CCL26: variants seen among roughly 807,000 people sequenced by gnomAD.
The protein encoded by CCL26 is C-C motif chemokine 26.
A neutral mutation model predicts 10.7 loss-of-function variants in CCL26; 10 were observed. The ratio of observed to expected loss-of-function variants is 0.93; its 90% CI spans 0.57 to 1.58. CCL26 has a LOEUF of 1.58. CCL26 is among the 40% of genes most tolerant of loss of function. CCL26 has a pLI of 0.00. For synonymous variants in CCL26, 43 were observed against 41.4 expected (o/e 1.04, Z -0.15); for missense variants, 116 against 111.0 (o/e 1.05, Z -0.20).
At chr7:75,790,965 C>T (rs1803317155), upstream of CCL26, among the ~76,000 whole-genome samples, 1 of 150,342 alleles carries the variant, frequency 6.7e-6, no homozygotes, top group Non-Finnish European at 1.5e-5. Flanking sequence ...TGAGTCCCTT[C>T]ACCCAAGAGG....
Position 75,787,265 on chromosome 7 carries a change from A to G in CCL26, c.-79+2452T>C, listed in dbSNP as rs562575874. Among the ~76,000 whole-genome samples, 34 of 152,212 alleles carry G rather than the reference A, an allele frequency of 2.2e-4. No homozygotes were observed. In the South Asian group the frequency reaches 4.4e-3, roughly 20 times the overall value. The stretch of plus-strand genomic sequence containing the variant: ...AGTCAAATCACCCAAGCAGTTTCTC[A>G]GGCTCTTGGTATTCAGTGGAAACTT... On this transcript the variant is annotated intron_variant, in intron 1 of 3. Coordinates refer to the CCL26 transcript ENST00000394905.
chr7:75,786,636 G>A (rs186080619), intron 1 of CCL26, among the ~76,000 whole-genome samples: 2 of 152,286 alleles, frequency 1.3e-5, no homozygotes, highest in African/African-American at 4.8e-5. Flanking sequence ...AGATCCCGTA[G>A]CTCAGGGCAA....
At chr7:75,772,776 G>A (rs1802858319), upstream of CCL26, among the ~76,000 whole-genome samples, 1 of 152,218 alleles carries the variant, frequency 6.6e-6, no homozygotes, top group South Asian at 2.1e-4. Context: ...AAGAGCAGGG[G>A]CAGGCAGGCC....
chr7:75,785,262 G>A (rs1166935886), intron 1 of CCL26, among the ~76,000 whole-genome samples: 5 of 152,056 alleles, frequency 3.3e-5, no homozygotes, highest in South Asian at 2.1e-4. Flanking sequence ...ATCAGTCCCC[G>A]CAGCTTACCA....
At chr7:75,781,905 T>G (rs1317624508) in intron 1 of CCL26, among the ~76,000 whole-genome samples, 2 of 152,146 alleles carry the variant, frequency 1.3e-5, no homozygotes, top group Non-Finnish European at 2.9e-5. Context: ...CAAAGCCTGT[T>G]TGGTGGTCTC....
At chr7:75,785,852 T>C (rs10277452) in intron 1 of CCL26, among the ~76,000 whole-genome samples, 115,770 of 152,072 alleles carry the variant, frequency 0.76, 44,292 homozygotes, top group African/African-American at 0.83. Flanking sequence ...GCTGTGCAGT[T>C]GGAATTCTTA....
chr7:75,780,271 A>C (rs1585013240), intron 1 of CCL26, among the ~76,000 whole-genome samples: 4 of 144,764 alleles, frequency 2.8e-5, no homozygotes, highest in East Asian at 2.1e-4. Flanking sequence ...TCTCTACCCT[A>C]TCTTTTCTCT....
Position 75,769,610 on chromosome 7 carries a change from T to G in CCL26, c.*83A>C, listed in dbSNP as rs1802778071. On this transcript the variant is annotated 3_prime_UTR_variant, in exon 3 of 3. Coordinates refer to ENST00000005180, the MANE Select transcript of CCL26 (RefSeq NM_001371938.1). ...CCTCCCCAGCGGGTCCATGTAGCCT[T>G]CAGAAAAGATTCCGCAGGCTCCCCA... 1.2e-6 allele frequency: 1 copy of G among 863,716 alleles called. No individual in the cohort carries two copies. The highest frequency in any genetic ancestry group is 1.7e-5 in the African/African-American group (1 of 60,110). 53.5% of individuals were successfully genotyped at this position (863,716 alleles called of 1,614,324 possible).
At chr7:75,789,035 C>T (rs1303970578) in intron 1 of CCL26, among the ~76,000 whole-genome samples, 1 of 151,794 alleles carries the variant, frequency 6.6e-6, no homozygotes, top group Non-Finnish European at 1.5e-5. Context: ...GATTCTCCCT[C>T]CTTAGCCACC....
chr7:75,771,561 C>T (rs77804725), intron 2 of CCL26, among the ~76,000 whole-genome samples: 4,827 of 152,078 alleles, frequency 0.032, 165 homozygotes, highest in Non-Finnish European at 0.042. Flanking sequence ...ACTAATAACA[C>T]AAAAATTAGC....
chr7:75,790,157 C>CCCTT (rs1554530598), upstream of CCL26, among the ~76,000 whole-genome samples: 1,672 of 65,078 alleles, frequency 0.026, 72 homozygotes, highest in African/African-American at 0.048. Context: ...CTGTCTCTCT[C>CCCTT]CCTTCCTTCC....
At chr7:75,774,492 G>T (rs1308089190), upstream of CCL26, among the ~76,000 whole-genome samples, 1 of 151,818 alleles carries the variant, frequency 6.6e-6, no homozygotes, top group African/African-American at 2.4e-5. Context: ...TGTCATCCAG[G>T]CTGGAGTACA....
chr7:75,776,992 G>A (rs1802956459), upstream of CCL26, among the ~76,000 whole-genome samples: 1 of 151,998 alleles, frequency 6.6e-6, no homozygotes, highest in Non-Finnish European at 1.5e-5. Flanking sequence ...GCACTTTGGG[G>A]GGCCGAAGTG....
rs139053851 is a variant in CCL26, at chr7:75,772,085, G to A, written c.73+19C>T. On this transcript the variant is annotated intron_variant, in intron 1 of 2. Coordinates refer to ENST00000005180, the MANE Select transcript of CCL26 (RefSeq NM_001371938.1). ...GGTCCGGGAAGGAACCCCAGGAGGG[G>A]AATGGGCCAGCTACGTACGTGTGGC... 1.3e-4 allele frequency: 208 copies of A among 1,603,024 alleles called. No individual in the cohort carries two copies. In the African/African-American group the frequency reaches 2.7e-3, roughly 21 times the overall value.
chr7:75,783,931 T>C (rs1174211291), intron 1 of CCL26, among the ~76,000 whole-genome samples: 1 of 152,220 alleles, frequency 6.6e-6, no homozygotes, highest in African/African-American at 2.4e-5. Context: ...TACATTTTAT[T>C]TTATTACCCA....
At chr7:75,771,486 T>C (rs1444974678) in intron 2 of CCL26, among the ~76,000 whole-genome samples, 1 of 152,180 alleles carries the variant, frequency 6.6e-6, no homozygotes, top group African/African-American at 2.4e-5. Flanking sequence ...TTTGGGAGGC[T>C]GAGGCGGGCA....
At chr7:75,779,449 A>G (rs1803012889) in intron 1 of CCL26, among the ~76,000 whole-genome samples, 1 of 152,154 alleles carries the variant, frequency 6.6e-6, no homozygotes, top group African/African-American at 2.4e-5. Context: ...CACCAATTTT[A>G]AATTGGGTAA....
At chr7:75,775,553 T>C (rs1305061409), upstream of CCL26, among the ~76,000 whole-genome samples, 3 of 152,096 alleles carry the variant, frequency 2.0e-5, no homozygotes, top group East Asian at 1.9e-4. Flanking sequence ...TCTGGGAGCC[T>C]GTGCAGGGCA....
intron 1 of CCL26, among the ~76,000 whole-genome samples, chr7:75,787,468 C>A (rs1173512185): frequency 1.3e-5 from 2 of 151,762 alleles, no homozygotes. Flanking sequence ...CATGGTGAAA[C>A]CCCGTCTGTA....
Sources: gnomAD v4.1 joint callset for allele counts (sites outside exome capture counted in the v4.1 genomes callset) on GRCh38, gnomAD v4.1.1 for gene constraint, MANE v1.5 for transcripts, NCBI Gene and HGNC (gene_info 2026-07-23, HGNC 2026-07-21) for gene names.